SH3RF3: variants seen among roughly 807,000 people sequenced by gnomAD.
SH3RF3 encodes SH3 domain containing ring finger 3.
SH3RF3 carries 29 observed loss-of-function variants against 66.3 expected under a neutral mutation model. The ratio of observed to expected loss-of-function variants is 0.44; its 90% CI spans 0.33 to 0.60. The LOEUF (loss-of-function observed/expected upper bound fraction) is 0.60, where lower values mean the gene tolerates loss of function less well. Among genes scored for constraint, SH3RF3 ranks in the 20% least tolerant of loss-of-function variants. The pLI, the probability that SH3RF3 is intolerant of heterozygous loss-of-function variation, is 0.04. For synonymous variants in SH3RF3, 583 were observed against 532.0 expected, an observed-to-expected ratio of 1.10 and a Z score of -1.32; for missense variants, 1,194 against 1,190.9, an observed-to-expected ratio of 1.00 and a Z score of -0.04.
chr2:109,276,617 G>T (rs1438545955), intron 1 of SH3RF3, among the ~76,000 whole-genome samples: 1 of 152,170 alleles, frequency 6.6e-6, no homozygotes, highest in Non-Finnish European at 1.5e-5. Context: ...TTATTGTTTT[G>T]CCATGGTGCT....
Position 109,249,378 on chromosome 2 carries a change from A to G in SH3RF3, c.574-98296A>G, listed in dbSNP as rs563621996. Among the ~76,000 whole-genome samples, 6 of 152,348 alleles carry G rather than the reference A, an allele frequency of 3.9e-5. No homozygotes were observed. In the South Asian group the frequency reaches 1.0e-3, roughly 26 times the overall value. ...AAGTTGGTATTATTGCCATGACTAC[A>G]TGAGGAAACCAAAGCTCAGAGGATC... is the stretch of plus-strand genomic sequence containing the variant. On this transcript the variant is annotated intron_variant, in intron 1 of 9. Transcript: ENST00000309415.
In SH3RF3 at chr2:109,186,929, A is replaced by G. The variant is rs956609589; in HGVS notation, c.573+56816A>G. On this transcript the variant is annotated intron_variant, in intron 1 of 9. Transcript: ENST00000309415. ...AGTTTATAGCAAAAAAGCGTGCTAG[A>G]ACTAATTGGAAGTGTAGAAGCCATG... is the stretch of plus-strand genomic sequence containing the variant. Among the ~76,000 whole-genome samples the G allele has an allele frequency of 7.2e-5, 11 of 152,208 alleles. No homozygotes were observed. The East Asian group carries it at 7.7e-4, about 11-fold the overall frequency.
intron 1 of SH3RF3, among the ~76,000 whole-genome samples, chr2:109,299,997 C>T (rs1681416397): frequency 6.6e-6 from 1 of 152,100 alleles, no homozygotes; most frequent in African/African-American, 2.4e-5. Context: ...GCTCTTTCTT[C>T]AAGAATTTGG....
chr2:109,220,445 A>G (rs1679204244), intron 1 of SH3RF3, among the ~76,000 whole-genome samples: 2 of 152,222 alleles, frequency 1.3e-5, no homozygotes, highest in African/African-American at 4.8e-5. Flanking sequence ...TCAAAACGCA[A>G]AAGTTTTGTG....
intron 3 of SH3RF3, among the ~76,000 whole-genome samples, chr2:109,377,098 G>T (rs970724195): frequency 6.6e-6 from 1 of 152,248 alleles, no homozygotes; most frequent in African/African-American, 2.4e-5. Flanking sequence ...TCCCTGGGGG[G>T]AGGTCTAGAA....
intron 5 of SH3RF3, among the ~76,000 whole-genome samples, chr2:109,425,940 C>T (rs1677017204): frequency 1.3e-5 from 2 of 152,088 alleles, no homozygotes; most frequent in Admixed American, 1.3e-4. Flanking sequence ...CTCTGTCGTC[C>T]AGGCTGGAGT....
chr2:109,286,102 G>T (rs956222609), intron 1 of SH3RF3, among the ~76,000 whole-genome samples: 1 of 152,206 alleles, frequency 6.6e-6, no homozygotes, highest in Non-Finnish European at 1.5e-5. Context: ...CATGGCAGTA[G>T]GAAGGTGCTT....
intron 1 of SH3RF3, among the ~76,000 whole-genome samples, chr2:109,216,912 A>T (rs1267640631): frequency 6.6e-6 from 1 of 152,048 alleles, no homozygotes; most frequent in Non-Finnish European, 1.5e-5. Flanking sequence ...GTCTTCCCAA[A>T]CCGAAATTCT....
At chr2:109,357,156 CACAA>C (rs1327784852) in intron 2 of SH3RF3, among the ~76,000 whole-genome samples, 1 of 150,946 alleles carries the variant, frequency 6.6e-6, no homozygotes, top group African/African-American at 2.4e-5. Context: ...TGATGATTAT[CACAA>C]ACAATATATT....
At chr2:109,334,876 C>A (rs1015909687) in intron 1 of SH3RF3, among the ~76,000 whole-genome samples, 13 of 152,188 alleles carry the variant, frequency 8.5e-5, no homozygotes, top group Admixed American at 6.5e-4. Context: ...ATTTGTGGAA[C>A]CCAGTGTTTT....
At chr2:109,161,124 A>ATG (rs1553477937) in intron 1 of SH3RF3, among the ~76,000 whole-genome samples, 1 of 152,184 alleles carries the variant, frequency 6.6e-6, no homozygotes, top group Non-Finnish European at 1.5e-5. Context: ...AGGCTTCCTG[A>ATG]TGTATCCTTG....
intron 1 of SH3RF3, among the ~76,000 whole-genome samples, chr2:109,168,512 G>A (rs553394783): frequency 5.8e-4 from 88 of 152,336 alleles, no homozygotes; most frequent in Admixed American, 7.8e-4. Context: ...CCTGTTCAGA[G>A]GGGGACCTTC....
chr2:109,216,891 G>C (rs1047640373), intron 1 of SH3RF3, among the ~76,000 whole-genome samples: 1 of 152,152 alleles, frequency 6.6e-6, no homozygotes, highest in East Asian at 1.9e-4. Flanking sequence ...TCCATCTTCA[G>C]AACTCTTTTC....
At chr2:109,216,763 A>G (rs1377880502) in intron 1 of SH3RF3, among the ~76,000 whole-genome samples, 2 of 152,220 alleles carry the variant, frequency 1.3e-5, no homozygotes, top group Admixed American at 1.3e-4. Flanking sequence ...ATACAAATAT[A>G]TTTTTTTAAA....
At chr2:109,262,475 C>T (rs923015593) in intron 1 of SH3RF3, among the ~76,000 whole-genome samples, 5 of 152,176 alleles carry the variant, frequency 3.3e-5, no homozygotes, top group Non-Finnish European at 5.9e-5. Flanking sequence ...GGACAGTGTC[C>T]GGAGGCCCCA....
At position 109,299,387 on chromosome 2, in the gene SH3RF3, A is replaced by C. The variant is rs192689323; in HGVS notation, c.574-48287A>C. Among the ~76,000 whole-genome samples, 592 of 151,684 alleles carry C rather than the reference A, an allele frequency of 3.9e-3. 1 individual carries two copies. Among genetic ancestry groups the C allele is most frequent in the African/African-American group, 0.011 (442 of 41,502 alleles). On this transcript the variant is annotated intron_variant, in intron 1 of 9. Transcript: ENST00000309415. ...CCACATATTCCAGAAAGTGTTTGGC[A>C]CATCAGGGTCCTTGACACATCCTTG...
chr2:109,390,117 G>A (rs1487639145), intron 3 of SH3RF3, among the ~76,000 whole-genome samples: 1 of 152,208 alleles, frequency 6.6e-6, no homozygotes, highest in Non-Finnish European at 1.5e-5. Context: ...CGGAGGCCAT[G>A]CGGGTCCCCA....
chr2:109,472,498 T>G (rs1308830951), intron 8 of SH3RF3, among the ~76,000 whole-genome samples: 1 of 152,078 alleles, frequency 6.6e-6, no homozygotes, highest in African/African-American at 2.4e-5. Flanking sequence ...GAAGGACTTG[T>G]GGAAAGAAGA....
rs555437347 is a variant in SH3RF3, at chr2:109,501,351, T to C, written c.2481-152T>C. The C allele has an allele frequency of 2.0e-5, 10 of 506,268 alleles. No homozygotes were observed. In the Admixed American group the frequency reaches 3.2e-4, roughly 16 times the overall value. The allele number at this position is 506,268 out of a possible 1,614,324, so 31.4% of individuals were successfully genotyped here. On this transcript the variant is annotated intron_variant, in intron 9 of 9. Coordinates refer to ENST00000309415, the MANE Select transcript of SH3RF3 (RefSeq NM_001099289.3). ...AAAAAATGAAAAATTTCCAGAGTTT[T>C]GAAAAAATTAAAAATAAAGATAAAT...
Sources: allele counts gnomAD v4.1 joint callset (sites outside exome capture counted in the v4.1 genomes callset), GRCh38; gene constraint gnomAD v4.1.1; transcripts MANE v1.5; gene names NCBI Gene and HGNC (gene_info 2026-07-23, HGNC 2026-07-21).